The following CIP2A variants were observed in gnomAD, a reference collection of about 807,000 sequenced individuals.
CIP2A encodes cellular inhibitor of PP2A.
CIP2A carries 103 observed loss-of-function variants against 110.9 expected under a neutral mutation model. The ratio of observed to expected loss-of-function variants is 0.93; its 90% CI spans 0.79 to 1.09. CIP2A has a LOEUF of 1.09. CIP2A is among the 50% of genes least tolerant of loss of function. CIP2A has a pLI of 0.00. For missense variants in CIP2A, 1,088 were observed against 1,038.4 expected (o/e 1.05, Z -0.66); for synonymous variants, 381 against 361.6 (o/e 1.05, Z -0.61).
chr3:108,567,251 T>C (rs1938219909), intron 10 of CIP2A, among the ~76,000 whole-genome samples: 1 of 151,802 alleles, frequency 6.6e-6, no homozygotes, highest in Non-Finnish European at 1.5e-5. Flanking sequence ...ATTTTCTTTT[T>C]TTTTTTACAT....
At chr3:108,568,375 G>T in intron 9 of CIP2A, 61 bp from the exon 10 acceptor site, 1 of 1,387,222 alleles carries the variant, frequency 7.2e-7, no homozygotes, top group Non-Finnish European at 1.0e-6. Context: ...TACAGAAAAA[G>T]TCATCACTGA....
intron 7 of CIP2A, 139 bp from the exon 8 acceptor site, chr3:108,576,485 T>A: frequency 2.2e-6 from 1 of 452,116 alleles, no homozygotes; most frequent in Non-Finnish European, 3.9e-6. Context: ...TAGAACACAC[T>A]CCTGTAAAGT....
At chr3:108,560,271 A>G (rs1376145984) in intron 14 of CIP2A, among the ~76,000 whole-genome samples, 2 of 152,018 alleles carry the variant, frequency 1.3e-5, no homozygotes, top group African/African-American at 4.8e-5. Flanking sequence ...TCCTGGGTTC[A>G]AGTGATTCTC....
chr3:108,570,027 T>C, intron 8 of CIP2A, among the ~76,000 whole-genome samples: 1 of 152,110 alleles, frequency 6.6e-6, no homozygotes, highest in East Asian at 1.9e-4. Context: ...TAGCATAGAA[T>C]ATAAAACCTT....
At chr3:108,585,866 A>C in intron 1 of CIP2A, 1 of 440,306 alleles carries the variant, frequency 2.3e-6, no homozygotes, top group South Asian at 1.6e-5. Context: ...ACTTTCTTGT[A>C]ATCTATAAGC....
At chr3:108,566,324 C>T (rs1266881484) in intron 11 of CIP2A, among the ~76,000 whole-genome samples, 173 bp downstream of exon 11, 1 of 151,676 alleles carries the variant, frequency 6.6e-6, no homozygotes, top group Admixed American at 6.6e-5. Flanking sequence ...CTTCAAAAAG[C>T]ACACAATCTA....
At chr3:108,563,012 T>G (rs1938059001) in intron 13 of CIP2A, 114 bp downstream of exon 13, 2 of 654,990 alleles carry the variant, frequency 3.1e-6, no homozygotes, top group Non-Finnish European at 5.5e-6. Context: ...AAATTACTAT[T>G]ACAATGAAGT....
chr3:108,557,592 T>C (rs996279067), intron 16 of CIP2A, among the ~76,000 whole-genome samples, 178 bp from the exon 17 acceptor site: 2 of 151,580 alleles, frequency 1.3e-5, no homozygotes, highest in African/African-American at 4.9e-5. Context: ...TACTGTTATA[T>C]TTTTTTAACT....
rs1397849699 is a variant in CIP2A at position 108,569,549 on chromosome 3, T to C, written c.953A>G (p.Gln318Arg). 1.2e-6 allele frequency: 2 copies of C among 1,612,686 alleles called. No homozygotes were observed. Among genetic ancestry groups the C allele is most frequent in the African/African-American group, 2.7e-5 (2 of 74,798 alleles). The change falls in exon 9 of 21, where the codon CAG becomes CGG. Residue 318 changes from glutamine (Q) to arginine (R), a missense_variant. Physicochemically the swap from Gln to Arg is conservative, Grantham distance 43. Coordinates refer to ENST00000295746, the MANE Select transcript of CIP2A (RefSeq NM_020890.3). ...AGGTGGAGACTGTTCAAACATCATC[T>C]GAGTGAGCATATGGCGCAGCTGAGT... ...SVTQLRHMLTQMMFEQSPPGS... is the reference protein window; with the variant it reads ...SVTQLRHMLTRMMFEQSPPGS...
intron 1 of CIP2A, among the ~76,000 whole-genome samples, chr3:108,588,806 T>C (rs1038401450): frequency 6.6e-6 from 1 of 152,248 alleles, no homozygotes; most frequent in Non-Finnish European, 1.5e-5. Context: ...TGCTTCTTAA[T>C]GTTGAAATAA....
At chr3:108,583,822 C>T (rs1938963317) in intron 2 of CIP2A, among the ~76,000 whole-genome samples, 2 of 152,068 alleles carry the variant, frequency 1.3e-5, no homozygotes, top group South Asian at 2.1e-4. Context: ...CCTAAATACC[C>T]TCAATTGATC....
intron 9 of CIP2A, 62 bp from the exon 10 acceptor site, chr3:108,568,376 T>G: frequency 1.4e-6 from 2 of 1,385,420 alleles, no homozygotes; most frequent in Non-Finnish European, 1.0e-6. Context: ...ACAGAAAAAG[T>G]CATCACTGAA....
chr3:108,559,905 T>A, intron 15 of CIP2A, 38 bp from the exon 16 acceptor site: 1 of 1,579,268 alleles, frequency 6.3e-7, no homozygotes, highest in Non-Finnish European at 8.7e-7. Context: ...ATTTTAGGAA[T>A]ACATCTATTA....
At chr3:108,563,731 A>G (rs1328131506) in intron 12 of CIP2A, among the ~76,000 whole-genome samples, 1 of 152,084 alleles carries the variant, frequency 6.6e-6, no homozygotes, top group Non-Finnish European at 1.5e-5. Context: ...TTACATTAGT[A>G]TTGTAAGCCC....
Position 108,554,449 on chromosome 3 carries a change from T to G in CIP2A, c.2251A>C (p.Thr751Pro). Reference protein sequence around the residue: ...TEKKNKDLQITCDSLNKQIET... With the variant: ...TEKKNKDLQIPCDSLNKQIET... ...ATTTGTTTATTCAGAGAATCACATG[T>G]GATCTGTAAATCTTTATTCTTCTTT... The change falls in exon 18 of 21, where the codon ACA becomes CCA. Residue 751 changes from threonine to proline, a missense_variant. Transcript: ENST00000295746. 1 of 1,551,564 alleles carries G rather than the reference T, an allele frequency of 6.4e-7. No homozygotes were observed. Among genetic ancestry groups the G allele is most frequent in the South Asian group, 1.2e-5 (1 of 86,868 alleles).
chr3:108,560,115 A>G (rs1937947018), intron 14 of CIP2A, 87 bp from the exon 15 acceptor site: 9 of 716,138 alleles, frequency 1.3e-5, no homozygotes, highest in South Asian at 3.6e-5. Context: ...AAACTAAATC[A>G]TTAAAACTTA....
At position 108,569,168 on chromosome 3, in the gene CIP2A, C is replaced by CTA. The variant is rs1163991017; in HGVS notation, c.1113+219_1113+220dup. On this transcript the variant is annotated intron_variant, in intron 9 of 20. Transcript: ENST00000295746. ...TTTACTTATTACACTGAAATGAGCA[C>CTA]TATATATATATATACATACACACTA... Among the ~76,000 whole-genome samples the CTA allele has an allele frequency of 1.1e-3, 12 of 11,086 alleles. 4 individuals are homozygous for CTA. Among genetic ancestry groups the CTA allele is most frequent in the East Asian group, 4.1e-3 (1 of 244 alleles). The allele number at this position is 11,086 out of a possible 152,430, so 7.3% of individuals were successfully genotyped here.
chr3:108,576,203 A>G (rs960048339), intron 8 of CIP2A, 68 bp downstream of exon 8: 8 of 913,796 alleles, frequency 8.8e-6, no homozygotes, highest in Non-Finnish European at 6.7e-6. Flanking sequence ...TGTATTTTGC[A>G]GTTTTTTAAA....
Position 108,569,403 on chromosome 3 carries a change from T to A in CIP2A, c.1099A>T (p.Lys367Ter). 1 of 1,611,840 alleles carries A rather than the reference T, an allele frequency of 6.2e-7. No homozygotes were observed. The change falls in exon 9 of 21, where the codon AAG (lysine) becomes TAG (stop). Residue 367 changes from lysine (K) to a stop codon, truncating the protein, a stop_gained. Transcript: ENST00000295746. LOFTEE classifies it high-confidence loss of function. ...CATCCTATTACCTCAAATATTTCCT[T>A]GAACAACTCCAATGCTAAAACAGAA... ...NCSVLALELF[K>*]EIFEDVIDAA... is the part of the protein sequence containing the mutation.
Sources: allele counts gnomAD v4.1 joint callset (sites outside exome capture counted in the v4.1 genomes callset), GRCh38; gene constraint gnomAD v4.1.1; transcripts MANE v1.5; gene names NCBI Gene and HGNC (gene_info 2026-07-23, HGNC 2026-07-21).